The following VWA5A variants were observed in gnomAD, a reference collection of about 807,000 sequenced individuals.
VWA5A encodes von Willebrand factor A domain containing 5A.
A neutral mutation model predicts 84.6 loss-of-function variants in VWA5A; 77 were observed. The observed-to-expected ratio is 0.91, with a 90% CI of 0.76 to 1.10. The LOEUF is 1.10. Among genes scored for constraint, VWA5A ranks in the 50% least tolerant of loss-of-function variants. VWA5A has a pLI of 0.00. For missense variants in VWA5A, 973 were observed against 963.0 expected, an observed-to-expected ratio of 1.01 and a Z score of -0.14; for synonymous variants, 334 against 350.1, an observed-to-expected ratio of 0.95 and a Z score of 0.51.
In VWA5A at chr11:124,123,699, T is replaced by A; in HGVS notation, c.1059T>A (p.Ala353=). The A allele has an allele frequency of 1.2e-6, 2 of 1,614,004 alleles. No individual in the cohort carries two copies. Among genetic ancestry groups the A allele is most frequent in the South Asian group, 2.2e-5 (2 of 91,062 alleles). ...VKYTQQTMEE[A]LGRVKLMQAD... is the part of the protein sequence containing the mutation. Reference sequence around the variant, plus strand: ...ACACTCAGCAAACAATGGAGGAGGCTCTGGGGAGAGTGAAGCTTATGCAGG... The same window carrying A: ...ACACTCAGCAAACAATGGAGGAGGCACTGGGGAGAGTGAAGCTTATGCAGG... Residue 353 remains alanine (A), a synonymous_variant, in exon 10 of 19, where the codon GCT becomes GCA. Transcript: ENST00000456829.
In VWA5A at chr11:124,137,108, G is replaced by A; in HGVS notation, c.1719G>A (p.Leu573=). Residue 573 remains leucine (L), a synonymous_variant, in exon 15 of 19, where the codon TTG becomes TTA. Coordinates refer to ENST00000456829, the MANE Select transcript of VWA5A (RefSeq NM_001130142.2). ...CAGCAAGTGATAAAAAAGATGCATT[G>A]AACCTTAGCCTTGAGTCTGGTGTCA... is the stretch of plus-strand genomic sequence containing the variant. ...ETPASDKKDA[L]NLSLESGVIS... The A allele has an allele frequency of 6.2e-7, 1 of 1,613,554 alleles. No homozygotes were observed. The highest frequency in any genetic ancestry group is 1.3e-5 in the African/African-American group (1 of 74,808).
At position 124,147,296 on chromosome 11, in the gene VWA5A, CA is replaced by C. The variant is rs960249163; in HGVS notation, c.*1354del. 1 of 152,288 alleles carries C rather than the reference CA, an allele frequency of 6.6e-6. No individual in the cohort carries two copies. The highest frequency in any genetic ancestry group is 2.4e-5 in the African/African-American group (1 of 41,558). The allele number at this position is 152,288 out of a possible 1,614,324, so 9.4% of individuals were successfully genotyped here. A position where few individuals can be genotyped will look rare whatever the true frequency, so the allele number is the denominator to read the frequency against. On this transcript the variant is annotated 3_prime_UTR_variant, in exon 19 of 19. Transcript: ENST00000456829. ...CCTTAAATAGTTATGTGATGATGGG[CA>C]AATGATTTCACCCTCAGGCACTTAA...
At chr11:124,130,446 T>C (rs550713556) in intron 11 of VWA5A, among the ~76,000 whole-genome samples, 1 of 152,312 alleles carries the variant, frequency 6.6e-6, no homozygotes, top group East Asian at 1.9e-4. Context: ...GAGAAGAATG[T>C]ATATTCTGTT....
intron 11 of VWA5A, among the ~76,000 whole-genome samples, chr11:124,125,847 A>C (rs1410230272): frequency 1.3e-5 from 2 of 152,148 alleles, no homozygotes; most frequent in Non-Finnish European, 2.9e-5. Context: ...AATAGTTGTT[A>C]ATTTTAATGT....
At chr11:124,125,060 G>T (rs553276858) in intron 11 of VWA5A, among the ~76,000 whole-genome samples, 1 of 152,052 alleles carries the variant, frequency 6.6e-6, no homozygotes, top group African/African-American at 2.4e-5. Flanking sequence ...GTATTGTTTT[G>T]CACACACGTG....
intron 11 of VWA5A, among the ~76,000 whole-genome samples, chr11:124,128,011 G>T (rs781156075): frequency 1.3e-5 from 2 of 152,064 alleles, no homozygotes; most frequent in Non-Finnish European, 2.9e-5. Flanking sequence ...AAGTTCTTTC[G>T]TTTAGTTAGA....
At chr11:124,140,277 G>A (rs565419776) in intron 15 of VWA5A, among the ~76,000 whole-genome samples, 2 of 152,184 alleles carry the variant, frequency 1.3e-5, no homozygotes, top group East Asian at 3.9e-4. Flanking sequence ...TTTGGTGTCA[G>A]GGTAATGCTA....
intron 4 of VWA5A, 66 bp from the exon 5 acceptor site, chr11:124,118,121 GTC>G (rs1864865392): frequency 6.5e-7 from 1 of 1,533,408 alleles, no homozygotes; most frequent in Non-Finnish European, 8.9e-7. Context: ...TGCACTGCTC[GTC>G]TCTTTTTCAG....
chr11:124,119,041 C>T lies in VWA5A; in HGVS notation c.712C>T (p.His238Tyr). Residue 238 changes from histidine (H) to tyrosine (Y), a missense_variant, in exon 7 of 19, where the codon CAT (histidine) becomes TAT (tyrosine). His to Tyr is a moderately conservative substitution (Grantham distance 83, BLOSUM62 2). Transcript: ENST00000456829. The part of the protein sequence containing the change: ...VELLIYYNEV[H>Y]TPSVVLEMGM... ...ACTCCTGATTTACTACAATGAGGTGCATACCCCCAGCGTGGTTTTGGAGAT... is the reference window on the plus strand; with the variant it reads ...ACTCCTGATTTACTACAATGAGGTGTATACCCCCAGCGTGGTTTTGGAGAT... The T allele has an allele frequency of 6.2e-7, 1 of 1,614,198 alleles. No individual in the cohort carries two copies. The highest frequency in any genetic ancestry group is 8.5e-7 in the Non-Finnish European group (1 of 1,180,042).
At chr11:124,120,647 G>C (rs1197890832) in intron 7 of VWA5A, among the ~76,000 whole-genome samples, 2 of 152,152 alleles carry the variant, frequency 1.3e-5, no homozygotes, top group African/African-American at 4.8e-5. Flanking sequence ...GGGGCTCCCA[G>C]CTTCCACCAG....
Position 124,122,999 on chromosome 11 carries a change from A to T in VWA5A, c.800A>T (p.Tyr267Phe). Residue 267 changes from tyrosine (Y) to phenylalanine (F), a missense_variant, in exon 8 of 19, where the codon TAT becomes TTT. By Grantham distance (22) the Tyr-to-Phe change is conservative (BLOSUM62 3). Coordinates refer to ENST00000456829, the MANE Select transcript of VWA5A (RefSeq NM_001130142.2). ...GATCCATCTGCAATGGTGAGTTTCTATCCAAATATCCCAGAAGATCAACCA... is the reference window on the plus strand; with the variant it reads ...GATCCATCTGCAATGGTGAGTTTCTTTCCAAATATCCCAGAAGATCAACCA... ...MGDPSAMVSF[Y>F]PNIPEDQPSN... The T allele has an allele frequency of 6.2e-7, 1 of 1,614,100 alleles. No homozygotes were observed. Among genetic ancestry groups the T allele is most frequent in the Non-Finnish European group, 8.5e-7 (1 of 1,180,026 alleles).
chr11:124,123,941 A>C, intron 10 of VWA5A, 137 bp downstream of exon 10: 1 of 1,275,548 alleles, frequency 7.8e-7, no homozygotes, highest in African/African-American at 1.5e-5. Context: ...ACAGAAAAAA[A>C]AAAGATGATG....
At chr11:124,136,990 A>C (rs746915070) in intron 14 of VWA5A, 25 bp from the exon 15 acceptor site, 19 of 1,602,034 alleles carry the variant, frequency 1.2e-5, no homozygotes, top group Middle Eastern at 1.7e-4. Flanking sequence ...CCTACATTTC[A>C]GTACTTTTTT....
At chr11:124,142,672 G>A in intron 17 of VWA5A, 100 bp downstream of exon 17, 1 of 1,474,342 alleles carries the variant, frequency 6.8e-7, no homozygotes. Context: ...GAAAATATAG[G>A]GGGTCATAGA....
At chr11:124,115,793 A>G (rs1042538361) in intron 1 of VWA5A, 1 of 151,862 alleles carries the variant, frequency 6.6e-6, no homozygotes, top group African/African-American at 2.4e-5. Flanking sequence ...GATATAGACA[A>G]TTGATGTTTT....
At position 124,135,234 on chromosome 11, in the gene VWA5A, T is replaced by TA. The variant is rs545482443; in HGVS notation, c.1359+201dup. On this transcript the variant is annotated intron_variant, in intron 12 of 18. Coordinates refer to ENST00000456829, the MANE Select transcript of VWA5A (RefSeq NM_001130142.2). ...AGAAGCCCACTGTAGTATCTGGAAATATGACATCTGGTCCCAGTAGCTGCA... is the reference window on the plus strand; with the variant it reads ...AGAAGCCCACTGTAGTATCTGGAAATAATGACATCTGGTCCCAGTAGCTGCA... Among the ~76,000 whole-genome samples, 14 of 152,280 alleles carry TA rather than the reference T, an allele frequency of 9.2e-5. No individual in the cohort carries two copies. The South Asian group carries it at 1.5e-3, about 16-fold the overall frequency.
intron 16 of VWA5A, among the ~76,000 whole-genome samples, chr11:124,142,140 G>T: frequency 6.6e-6 from 1 of 152,076 alleles, no homozygotes; most frequent in East Asian, 1.9e-4. Flanking sequence ...TATCCCAGTG[G>T]AGTCTAGGGT....
At position 124,142,492 on chromosome 11, in the gene VWA5A, G is replaced by T; in HGVS notation, c.2074G>T (p.Gly692Cys). Residue 692 changes from glycine (G) to cysteine (C), a missense_variant, in exon 17 of 19, where the codon GGT becomes TGT. Transcript: ENST00000456829. ...GCTGATTTACCACCAAAATGCAAAT[G>T]GTTCCTGGGATCTGAATGAAGATCT... ...VQLIYHQNAN[G>C]SWDLNEDLAK... The T allele has an allele frequency of 6.2e-7, 1 of 1,614,156 alleles. No homozygotes were observed. Among genetic ancestry groups the T allele is most frequent in the South Asian group, 1.1e-5 (1 of 91,066 alleles).
intron 7 of VWA5A, among the ~76,000 whole-genome samples, chr11:124,119,580 A>T (rs1864898045): frequency 6.6e-6 from 1 of 152,226 alleles, no homozygotes; most frequent in African/African-American, 2.4e-5. Context: ...ATCTTGCCTA[A>T]GGAAGTAAAT....
Sources: gnomAD v4.1 joint callset for allele counts (sites outside exome capture counted in the v4.1 genomes callset) on GRCh38, gnomAD v4.1.1 for gene constraint, MANE v1.5 for transcripts, NCBI Gene and HGNC (gene_info 2026-07-23, HGNC 2026-07-21) for gene names.